ITGA2: variants seen among roughly 807,000 people sequenced by gnomAD.
ITGA2 encodes integrin alpha-2.
ITGA2 carries 101 observed loss-of-function variants against 146.3 expected under a neutral mutation model. That is an observed-to-expected ratio of 0.69 (90% CI 0.59 to 0.81). The LOEUF (loss-of-function observed/expected upper bound fraction) is 0.81, where lower values mean the gene tolerates loss of function less well. Ranked by LOEUF, ITGA2 falls within the 40% of genes least tolerant of loss-of-function variation. The probability of loss-of-function intolerance (pLI) is 0.00; values close to 1 mark genes in which losing one functional copy is unlikely to be tolerated. For synonymous variants in ITGA2, 477 were observed against 487.1 expected, an observed-to-expected ratio of 0.98 and a Z score of 0.27; for missense variants, 1,281 against 1,402.7, an observed-to-expected ratio of 0.91 and a Z score of 1.39.
chr5:53,016,324 A>T (rs1241655410), intron 1 of ITGA2, among the ~76,000 whole-genome samples: 2 of 152,086 alleles, frequency 1.3e-5, no homozygotes, highest in Non-Finnish European at 2.9e-5. Flanking sequence ...AAAAGATCTT[A>T]TTTCTCCTTC....
chr5:53,022,888 T>C (rs961495919), intron 1 of ITGA2, among the ~76,000 whole-genome samples: 6 of 152,186 alleles, frequency 3.9e-5, no homozygotes, highest in African/African-American at 1.2e-4. Context: ...TTATGGATAT[T>C]AAAATGGCAA....
At chr5:53,056,771 G>A (rs1039727711) in intron 9 of ITGA2, among the ~76,000 whole-genome samples, 2 of 151,562 alleles carry the variant, frequency 1.3e-5, no homozygotes, top group Non-Finnish European at 2.9e-5. Flanking sequence ...GAAAGATCAC[G>A]TGTTCAGGAG....
chr5:53,057,866 C>A (rs1744713461), intron 9 of ITGA2, among the ~76,000 whole-genome samples, 159 bp from the exon 10 acceptor site: 2 of 151,940 alleles, frequency 1.3e-5, no homozygotes, highest in Middle Eastern at 6.8e-3. Flanking sequence ...ATTTCTTCTT[C>A]CCAGAATATG....
At chr5:53,019,999 C>T (rs1205065654) in intron 1 of ITGA2, among the ~76,000 whole-genome samples, 1 of 151,956 alleles carries the variant, frequency 6.6e-6, no homozygotes, top group Non-Finnish European at 1.5e-5. Flanking sequence ...ACAGTATATA[C>T]CATATAGGGT....
At chr5:53,035,455 A>T (rs1743443038) in intron 2 of ITGA2, among the ~76,000 whole-genome samples, 1 of 152,232 alleles carries the variant, frequency 6.6e-6, no homozygotes, top group Admixed American at 6.5e-5. Context: ...AAACGGAAAG[A>T]TGCTGAGGAT....
intron 6 of ITGA2, among the ~76,000 whole-genome samples, chr5:53,049,500 C>T (rs2075616): frequency 0.42 from 56,171 of 133,306 alleles, 10,425 homozygotes; most frequent in Admixed American, 0.47. Context: ...AGCATAGTTC[C>T]AGCATTTATG....
chr5:53,004,612 C>G (rs1741735795), intron 1 of ITGA2, among the ~76,000 whole-genome samples: 1 of 152,070 alleles, frequency 6.6e-6, no homozygotes, highest in Non-Finnish European at 1.5e-5. Context: ...ATCACCTGGA[C>G]AGGAGAATAG....
chr5:53,046,677 GCAGAGAGGCAGAAAGA>G (rs887026222), intron 4 of ITGA2, among the ~76,000 whole-genome samples: 2 of 151,602 alleles, frequency 1.3e-5, no homozygotes, highest in African/African-American at 2.4e-5. Flanking sequence ...CAGGTAGCAA[GCAGAGAGGCAGAAAGA>G]GAGAGAGGAG....
intron 2 of ITGA2, among the ~76,000 whole-genome samples, chr5:53,028,949 G>A (rs774704151): frequency 6.6e-6 from 1 of 152,156 alleles, no homozygotes; most frequent in African/African-American, 2.4e-5. Context: ...TTATTCTGCT[G>A]TCTTTGCTCT....
At chr5:53,045,132 A>G (rs893027857) in intron 4 of ITGA2, 40 bp downstream of exon 4, 1 of 1,449,252 alleles carries the variant, frequency 6.9e-7, no homozygotes, top group Admixed American at 1.7e-5. Flanking sequence ...CTCTCAAGAA[A>G]GTACATAGAC....
chr5:53,033,710 G>A (rs1331969328), intron 2 of ITGA2, among the ~76,000 whole-genome samples: 1 of 151,352 alleles, frequency 6.6e-6, no homozygotes, highest in Admixed American at 6.6e-5. Context: ...TGATTCTCAT[G>A]CCTCAGCCTC....
chr5:53,002,267 C>T (rs1233421273), intron 1 of ITGA2, among the ~76,000 whole-genome samples: 1 of 151,706 alleles, frequency 6.6e-6, no homozygotes, highest in African/African-American at 2.4e-5. Flanking sequence ...TTAATTACTC[C>T]CTTTTCTTTA....
chr5:53,083,696 AC>A (rs1212382413), intron 27 of ITGA2, among the ~76,000 whole-genome samples: 1 of 152,076 alleles, frequency 6.6e-6, no homozygotes, highest in Non-Finnish European at 1.5e-5. Flanking sequence ...ACTCCATGCG[AC>A]CTACCACATC....
chr5:53,004,980 A>C (rs1266052970), intron 1 of ITGA2, among the ~76,000 whole-genome samples: 2 of 131,752 alleles, frequency 1.5e-5, no homozygotes, highest in African/African-American at 2.9e-5. Flanking sequence ...TCCTTTCAAC[A>C]TGAAGACAAT....
intron 1 of ITGA2, among the ~76,000 whole-genome samples, chr5:53,021,442 G>A (rs1224515439): frequency 1.3e-5 from 2 of 152,140 alleles, no homozygotes; most frequent in South Asian, 2.1e-4. Flanking sequence ...GAGCCTAAGT[G>A]CCTAAACACT....
chr5:53,082,177 C>A (rs1190992865), intron 26 of ITGA2, among the ~76,000 whole-genome samples: 3 of 152,104 alleles, frequency 2.0e-5, no homozygotes, highest in African/African-American at 7.2e-5. Flanking sequence ...ATTTCCTGTT[C>A]TCAAGCTATG....
At chr5:53,039,849 C>A (rs1743697476) in intron 2 of ITGA2, among the ~76,000 whole-genome samples, 1 of 147,414 alleles carries the variant, frequency 6.8e-6, no homozygotes, top group Non-Finnish European at 1.5e-5. Context: ...TTTGCTTGTT[C>A]ATTTGCTGTT....
chr5:53,055,372 C>G (rs1744579387), intron 7 of ITGA2, among the ~76,000 whole-genome samples, 166 bp from the exon 8 acceptor site: 1 of 152,020 alleles, frequency 6.6e-6, no homozygotes, highest in Non-Finnish European at 1.5e-5. Flanking sequence ...GTATATGTTT[C>G]TCTACAAGCT....
rs577986896 is a variant in ITGA2, at chr5:53,002,976, A to G, written c.64+13444A>G. On this transcript the variant is annotated intron_variant, in intron 1 of 29. Transcript: ENST00000296585. The stretch of plus-strand genomic sequence containing the variant: ...ATTTTTAGATTAGGGTATTCTAGAA[A>G]TTTGAGCTAGAAGAAACCTCAAGAT... Among the ~76,000 whole-genome samples the G allele has an allele frequency of 2.0e-5, 3 of 152,316 alleles. No individual in the cohort carries two copies. The East Asian group carries it at 5.8e-4, about 29-fold the overall frequency.
Sources: gnomAD v4.1 joint callset for allele counts (sites outside exome capture counted in the v4.1 genomes callset) on GRCh38, gnomAD v4.1.1 for gene constraint, MANE v1.5 for transcripts, NCBI Gene and HGNC (gene_info 2026-07-23, HGNC 2026-07-21) for gene names.